KHDC1: variants seen among roughly 807,000 people sequenced by gnomAD.
The protein encoded by KHDC1 is KH domain containing 1.
A neutral mutation model predicts 24.7 loss-of-function variants in KHDC1; 21 were observed. That is an observed-to-expected ratio of 0.85 (90% CI 0.60 to 1.23). The LOEUF (loss-of-function observed/expected upper bound fraction) is 1.23, where lower values mean the gene tolerates loss of function less well. Among genes scored for constraint, KHDC1 ranks in the 50% most tolerant of loss-of-function variants. The pLI, the probability that KHDC1 is intolerant of heterozygous loss-of-function variation, is 0.00. For synonymous variants in KHDC1, 98 were observed against 111.7 expected, an observed-to-expected ratio of 0.88 and a Z score of 0.77; for missense variants, 274 against 298.5, an observed-to-expected ratio of 0.92 and a Z score of 0.61.
At chr6:73,304,284 A>G (rs1759894441) in intron 1 of KHDC1, among the ~76,000 whole-genome samples, 1 of 152,212 alleles carries the variant, frequency 6.6e-6, no homozygotes, top group Admixed American at 6.5e-5. Flanking sequence ...AATTCTTTTG[A>G]AAGTCTAAAA....
chr6:73,272,435 C>A (rs1233997315), intron 2 of KHDC1, among the ~76,000 whole-genome samples: 5 of 151,722 alleles, frequency 3.3e-5, no homozygotes, highest in African/African-American at 1.2e-4. Flanking sequence ...GCGCCCAGCC[C>A]TCCTACACCA....
intron 2 of KHDC1, among the ~76,000 whole-genome samples, chr6:73,288,584 G>A (rs1207483010): frequency 2.6e-5 from 4 of 152,046 alleles, no homozygotes; most frequent in African/African-American, 9.7e-5. Flanking sequence ...TCATGCCACT[G>A]CACTCCAGCC....
At chr6:73,252,876 C>T (rs1582554710) in intron 2 of KHDC1, among the ~76,000 whole-genome samples, 1 of 151,668 alleles carries the variant, frequency 6.6e-6, no homozygotes, top group African/African-American at 2.4e-5. Context: ...AGAGGCAATA[C>T]ATAAATGATG....
intron 2 of KHDC1, among the ~76,000 whole-genome samples, chr6:73,278,899 T>C (rs530220168): frequency 2.9e-4 from 44 of 152,262 alleles, no homozygotes; most frequent in Admixed American, 6.5e-4. Flanking sequence ...TGTGAGAACA[T>C]CAAATAACGT....
intron 2 of KHDC1, among the ~76,000 whole-genome samples, chr6:73,271,907 G>T (rs1299720274): frequency 1.5e-5 from 2 of 135,130 alleles, no homozygotes; most frequent in African/African-American, 5.9e-5. Flanking sequence ...AAAAAAATAA[G>T]AAGACTGAGG....
At chr6:73,263,447 C>G (rs573221735) in intron 2 of KHDC1, 25 of 238,614 alleles carry the variant, frequency 1.0e-4, no homozygotes, top group African/African-American at 1.9e-4. Context: ...ATCTCTTGCT[C>G]TCAGCCCGGA....
At chr6:73,275,407 A>G (rs1266767656) in intron 2 of KHDC1, 2 of 166,986 alleles carry the variant, frequency 1.2e-5, no homozygotes, top group East Asian at 3.9e-4. Flanking sequence ...AGGCAGTGGC[A>G]CCCAGCCTGG....
At chr6:73,255,459 T>A (rs1020046319) in intron 2 of KHDC1, among the ~76,000 whole-genome samples, 1 of 147,664 alleles carries the variant, frequency 6.8e-6, no homozygotes, top group African/African-American at 2.5e-5. Context: ...CCTCAGGTGA[T>A]CCACCCGCCT....
chr6:73,246,162 T>TA (rs1766661308), intron 2 of KHDC1, among the ~76,000 whole-genome samples: 1 of 152,194 alleles, frequency 6.6e-6, no homozygotes, highest in Non-Finnish European at 1.5e-5. Context: ...ATCACATATC[T>TA]ACTGCCTATA....
chr6:73,276,505 A>T (rs1319606875), intron 2 of KHDC1: 2 of 4,362 alleles, frequency 4.6e-4, no homozygotes, highest in African/African-American at 4.7e-4. Flanking sequence ...AAAAGTATTT[A>T]AAAAAAAAAA....
At chr6:73,298,423 A>ATTTTTTTTTTTTTTTT (rs370446904) in intron 1 of KHDC1, among the ~76,000 whole-genome samples, 13 of 59,976 alleles carry the variant, frequency 2.2e-4, no homozygotes, top group African/African-American at 9.0e-4. Context: ...TACTTTGCAA[A>ATTTTTTTTTTTTTTTT]TTTTTTTTTT....
chr6:73,288,655 C>A (rs1196689602), intron 2 of KHDC1, among the ~76,000 whole-genome samples: 1 of 151,954 alleles, frequency 6.6e-6, no homozygotes, highest in Non-Finnish European at 1.5e-5. Flanking sequence ...GGTGCAGTGG[C>A]ACACACCTGT....
chr6:73,285,366 CTG>C (rs1256687821), intron 2 of KHDC1, among the ~76,000 whole-genome samples: 1 of 149,708 alleles, frequency 6.7e-6, no homozygotes. Context: ...GAATCCAGCT[CTG>C]TAGCCCAGGC....
intron 1 of KHDC1, among the ~76,000 whole-genome samples, chr6:73,302,400 T>G (rs559014702): frequency 6.6e-6 from 1 of 152,218 alleles, no homozygotes; most frequent in East Asian, 1.9e-4. Flanking sequence ...GATTTCATAG[T>G]TGTGCAAACA....
intron 2 of KHDC1, among the ~76,000 whole-genome samples, chr6:73,284,152 T>C (rs986190547): frequency 1.2e-4 from 18 of 152,152 alleles, no homozygotes; most frequent in Non-Finnish European, 2.4e-4. Flanking sequence ...GTAAGACTAA[T>C]GAAAACCCAC....
At chr6:73,245,499 T>A (rs1766649709) in intron 2 of KHDC1, among the ~76,000 whole-genome samples, 1 of 152,166 alleles carries the variant, frequency 6.6e-6, no homozygotes, top group Non-Finnish European at 1.5e-5. Flanking sequence ...AGAGTACAGG[T>A]TCAGGAAGTG....
intron 2 of KHDC1, among the ~76,000 whole-genome samples, chr6:73,272,775 C>G (rs72949741): frequency 1.3e-5 from 2 of 149,344 alleles, no homozygotes; most frequent in African/African-American, 4.9e-5. Context: ...GACTCCATCC[C>G]GGGGGGGAAA....
intron 1 of KHDC1, among the ~76,000 whole-genome samples, chr6:73,298,594 C>G (rs1197348021): frequency 4.0e-5 from 6 of 151,594 alleles, no homozygotes; most frequent in Admixed American, 3.3e-4. Flanking sequence ...CGCCACCACA[C>G]TCGGCTAATT....
chr6:73,263,847 A>G (rs1207367770), intron 2 of KHDC1, among the ~76,000 whole-genome samples: 1 of 152,208 alleles, frequency 6.6e-6, no homozygotes, highest in Non-Finnish European at 1.5e-5. Context: ...CCTCCCTGGC[A>G]GTATTGGGAA....
Sources: allele counts gnomAD v4.1 joint callset (sites outside exome capture counted in the v4.1 genomes callset), GRCh38; gene constraint gnomAD v4.1.1; transcripts MANE v1.5; gene names NCBI Gene and HGNC (gene_info 2026-07-23, HGNC 2026-07-21).